The following PIK3C3 variants were observed in gnomAD, a reference collection of about 807,000 sequenced individuals.
PIK3C3 encodes phosphatidylinositol 3-kinase catalytic subunit type 3.
PIK3C3 carries 95 observed loss-of-function variants against 126.1 expected under a neutral mutation model. The ratio of observed to expected loss-of-function variants is 0.75; its 90% CI spans 0.64 to 0.89. PIK3C3 has a LOEUF of 0.89. Ranked by LOEUF, PIK3C3 falls within the 40% of genes least tolerant of loss-of-function variation. The pLI, the probability that PIK3C3 is intolerant of heterozygous loss-of-function variation, is 0.00. For missense variants in PIK3C3, 829 were observed against 1,063.2 expected, an observed-to-expected ratio of 0.78 and a Z score of 3.06; for synonymous variants, 374 against 360.0, an observed-to-expected ratio of 1.04 and a Z score of -0.44.
intron 10 of PIK3C3, among the ~76,000 whole-genome samples, chr18:42,009,042 T>C (rs1311227231): frequency 6.6e-6 from 1 of 152,178 alleles, no homozygotes; most frequent in African/African-American, 2.4e-5. Flanking sequence ...ACTGAATTAC[T>C]TATACCTCCA....
At chr18:42,051,187 T>G (rs537812526) in intron 21 of PIK3C3, 1 of 152,380 alleles carries the variant, frequency 6.6e-6, no homozygotes, top group Admixed American at 6.5e-5. Flanking sequence ...AGGATGCAAG[T>G]TCCATGAGAG....
intron 24 of PIK3C3, among the ~76,000 whole-genome samples, chr18:42,074,764 A>G (rs190651134): frequency 6.6e-6 from 1 of 151,672 alleles, no homozygotes; most frequent in East Asian, 1.9e-4. Context: ...CTCTCTTTGT[A>G]CTTTTTGAAA....
At position 41,979,064 on chromosome 18, in the gene PIK3C3, T is replaced by TAAA. The variant is rs5824388; in HGVS notation, c.531+8629_531+8631dup. Among the ~76,000 whole-genome samples, 256 of 93,722 alleles carry TAAA rather than the reference T, an allele frequency of 2.7e-3. 2 individuals are homozygous for TAAA. The highest frequency in any genetic ancestry group is 6.3e-3 in the African/African-American group (147 of 23,410). The allele number at this position is 93,722 out of a possible 152,430, so 61.5% of individuals were successfully genotyped here. A position where few individuals can be genotyped will look rare whatever the true frequency, so the allele number is the denominator to read the frequency against. On this transcript the variant is annotated intron_variant, in intron 4 of 24. Transcript: ENST00000262039. The stretch of plus-strand genomic sequence containing the variant: ...GAGTAACATAAGAGACCCCGTCTCT[T>TAAA]AAAAAAAAAAAAAAAAAAAAAAAGA...
At chr18:42,030,815 T>C (rs1258900360) in intron 15 of PIK3C3, among the ~76,000 whole-genome samples, 1 of 152,140 alleles carries the variant, frequency 6.6e-6, no homozygotes, top group African/African-American at 2.4e-5. Flanking sequence ...GACCTGCAGT[T>C]TGGGGCTTAT....
chr18:42,068,736 A>G (rs1050447991), intron 24 of PIK3C3, among the ~76,000 whole-genome samples: 6 of 151,936 alleles, frequency 3.9e-5, no homozygotes, highest in South Asian at 2.1e-4. Context: ...GTATCACGAG[A>G]TCAGGAGATC....
intron 4 of PIK3C3, chr18:41,971,569 G>A (rs1453621713): frequency 3.3e-5 from 5 of 151,868 alleles, no homozygotes; most frequent in Non-Finnish European, 7.4e-5. Flanking sequence ...GCATTCTGAC[G>A]TGGGATATAG....
chr18:42,080,689 T>C (rs1986216551), intron 24 of PIK3C3, among the ~76,000 whole-genome samples: 2 of 152,188 alleles, frequency 1.3e-5, no homozygotes, highest in Non-Finnish European at 2.9e-5. Flanking sequence ...TTCCAGACCA[T>C]TTCTGGAATG....
chr18:42,026,218 C>G (rs1269272145), intron 13 of PIK3C3: 1 of 152,156 alleles, frequency 6.6e-6, no homozygotes, highest in African/African-American at 2.4e-5. Flanking sequence ...GACACAGCCC[C>G]TCTAAGTTTC....
intron 24 of PIK3C3, among the ~76,000 whole-genome samples, chr18:42,077,036 A>G (rs907415191): frequency 1.3e-5 from 2 of 152,206 alleles, no homozygotes; most frequent in East Asian, 1.9e-4. Flanking sequence ...AGATTTTTTG[A>G]TCTGAAGTCC....
At chr18:42,074,311 A>G (rs1041252571) in intron 24 of PIK3C3, among the ~76,000 whole-genome samples, 4 of 146,452 alleles carry the variant, frequency 2.7e-5, no homozygotes, top group African/African-American at 1.1e-4. Flanking sequence ...GAGAACTATC[A>G]CACACAGGAA....
chr18:42,018,549 C>T (rs1378141500), intron 12 of PIK3C3, among the ~76,000 whole-genome samples: 4 of 151,988 alleles, frequency 2.6e-5, no homozygotes, highest in Non-Finnish European at 5.9e-5. Context: ...TTAAAATGTA[C>T]ACCTAAGCTT....
At chr18:42,000,629 G>A (rs2144374164) in intron 9 of PIK3C3, among the ~76,000 whole-genome samples, 1 of 152,232 alleles carries the variant, frequency 6.6e-6, no homozygotes, top group East Asian at 1.9e-4. Flanking sequence ...AGACATACCT[G>A]AGACTGAGAA....
At chr18:42,015,177 G>A (rs1468435622) in intron 11 of PIK3C3, among the ~76,000 whole-genome samples, 1 of 151,922 alleles carries the variant, frequency 6.6e-6, no homozygotes, top group Non-Finnish European at 1.5e-5. Context: ...ATATGTTTGG[G>A]AAATGCTAGT....
intron 3 of PIK3C3, among the ~76,000 whole-genome samples, chr18:41,967,900 C>T (rs1375600594): frequency 1.3e-5 from 2 of 152,186 alleles, no homozygotes; most frequent in Admixed American, 6.5e-5. Context: ...CTGCTGGAGT[C>T]AGAAGGAGAT....
At chr18:42,070,179 G>A (rs1422884399) in intron 24 of PIK3C3, among the ~76,000 whole-genome samples, 2 of 152,204 alleles carry the variant, frequency 1.3e-5, no homozygotes, top group Non-Finnish European at 2.9e-5. Context: ...AAGAGGATAT[G>A]AAGGCAGACG....
At chr18:42,076,422 G>A (rs1416139054) in intron 24 of PIK3C3, among the ~76,000 whole-genome samples, 1 of 151,934 alleles carries the variant, frequency 6.6e-6, no homozygotes, top group East Asian at 1.9e-4. Flanking sequence ...AGACAAGTAA[G>A]TGTGATATAT....
intron 24 of PIK3C3, among the ~76,000 whole-genome samples, chr18:42,075,765 G>GA (rs1985948592): frequency 6.7e-6 from 1 of 149,694 alleles, no homozygotes; most frequent in Non-Finnish European, 1.5e-5. Context: ...AGTAACTAGT[G>GA]ACTATTTCCA....
chr18:42,048,209 C>A (rs1263112750), intron 20 of PIK3C3, among the ~76,000 whole-genome samples: 4 of 152,168 alleles, frequency 2.6e-5, no homozygotes, highest in Non-Finnish European at 5.9e-5. Context: ...TGTGACAAAA[C>A]TAGTTATAAG....
At chr18:42,029,196 T>C (rs1983707558) in intron 14 of PIK3C3, 129 bp from the exon 15 acceptor site, 1 of 615,490 alleles carries the variant, frequency 1.6e-6, no homozygotes, top group Non-Finnish European at 3.0e-6. Flanking sequence ...CAAGATAATC[T>C]TTTTCAGTTT....
Sources: allele counts gnomAD v4.1 joint callset (sites outside exome capture counted in the v4.1 genomes callset), GRCh38; gene constraint gnomAD v4.1.1; transcripts MANE v1.5; gene names NCBI Gene and HGNC (gene_info 2026-07-23, HGNC 2026-07-21).